Variants in MYEF2 observed in about 807,000 individuals in gnomAD.
MYEF2 encodes the protein myelin gene expression factor 2.
MYEF2 carries 37 observed loss-of-function variants against 75.2 expected under a neutral mutation model. That is an observed-to-expected ratio of 0.49 (90% CI 0.38 to 0.65). The LOEUF (loss-of-function observed/expected upper bound fraction) is 0.65. Ranked by LOEUF, MYEF2 falls within the 30% of genes least tolerant of loss-of-function variation. MYEF2 has a pLI of 0.00. For missense variants in MYEF2, 634 were observed against 771.4 expected (o/e 0.82, Z 2.11); for synonymous variants, 195 against 241.6 (o/e 0.81, Z 1.79).
At position 48,136,686 on chromosome 15, in the gene MYEF2, T is replaced by G. The variant is rs199825911; in HGVS notation, c.*6222A>C. On this transcript the variant is annotated 3_prime_UTR_variant, in exon 17 of 17. Transcript: ENST00000324324. ...AACACAAATTTCTCTTTTGTAGGTA[T>G]GAAGGGGCTTTACTGCTTTTGATAT... 2 of 1,600,134 alleles carry G rather than the reference T, an allele frequency of 1.2e-6. No homozygotes were observed. Among genetic ancestry groups the G allele is most frequent in the Non-Finnish European group, 1.7e-6 (2 of 1,172,686 alleles).
intron 5 of MYEF2, 46 bp from the exon 6 acceptor site, chr15:48,159,850 T>C (rs2039869964): frequency 6.6e-7 from 1 of 1,525,688 alleles, no homozygotes; most frequent in South Asian, 1.2e-5. Context: ...ACATCACTAA[T>C]TCTACAAAAT....
intron 1 of MYEF2, among the ~76,000 whole-genome samples, chr15:48,173,097 AC>A (rs879710888): frequency 2.0e-5 from 3 of 152,236 alleles, no homozygotes; most frequent in Non-Finnish European, 4.4e-5. Context: ...AAAATTCTCA[AC>A]AAAATACTAG....
chr15:48,161,096 T>C (rs1030941705), intron 5 of MYEF2, among the ~76,000 whole-genome samples: 1 of 152,106 alleles, frequency 6.6e-6, no homozygotes, highest in Non-Finnish European at 1.5e-5. Flanking sequence ...TATTGCTGTG[T>C]TGATCTGTCT....
intron 1 of MYEF2, among the ~76,000 whole-genome samples, chr15:48,173,367 T>C (rs901204440): frequency 6.6e-6 from 1 of 152,130 alleles, no homozygotes; most frequent in African/African-American, 2.4e-5. Flanking sequence ...AGGTCATATA[T>C]GACAACCCCA....
rs557087132 is a variant in MYEF2 at position 48,178,164 on chromosome 15, G to A, written c.74C>T (p.Pro25Leu). The A allele has an allele frequency of 3.2e-6, 5 of 1,552,126 alleles. No individual in the cohort carries two copies. The Admixed American group carries it at 9.5e-5, about 30-fold the overall frequency. The change falls in exon 1 of 17, where the codon CCG becomes CTG. Residue 25 changes from proline to leucine, a missense_variant. Coordinates refer to ENST00000324324, the MANE Select transcript of MYEF2 (RefSeq NM_016132.5). ...CGGCTCTCGCCGCGGCTCGCCCGGC[G>A]GCTCTGCGGGCTGCAGGTGCGGGCT... The part of the protein sequence containing the change: ...GDSPHLQPAE[P>L]PGEPRREPHP...
rs8023906 is a variant in MYEF2, at chr15:48,168,730, C to T, written c.271G>A (p.Ala91Thr). 1,612,152 of 1,613,894 alleles carry T rather than the reference C, an allele frequency of 1. 805,225 individuals are homozygous for T. The highest frequency in any genetic ancestry group is 1 in the East Asian group (44,840 of 44,840). ...CGATTTGGACCCTTCTTTTCTCCAGCGCCCGAATTCTTGTCTTTTGAATAA... is the reference window on the plus strand; with the variant it reads ...CGATTTGGACCCTTCTTTTCTCCAGTGCCCGAATTCTTGTCTTTTGAATAA... ...HPYSKDKNSGAGEKKGPNRNR... is the reference protein window; with the variant it reads ...HPYSKDKNSGTGEKKGPNRNR... The change falls in exon 2 of 17, where the codon GCT (alanine) becomes ACT (threonine). Residue 91 changes from alanine (A) to threonine (T), a missense_variant. Transcript: ENST00000324324.
chr15:48,151,666 G>T, intron 12 of MYEF2, 95 bp from the exon 13 acceptor site: 2 of 1,274,676 alleles, frequency 1.6e-6, no homozygotes, highest in Non-Finnish European at 2.2e-6. Flanking sequence ...AGACGCGTAA[G>T]TCACAAATAT....
rs891831524 is a variant in MYEF2 at position 48,149,582 on chromosome 15, A to C, written c.1379-211T>G. 1.4e-5 allele frequency: 5 copies of C among 359,876 alleles called. No individual in the cohort carries two copies. The highest frequency in any genetic ancestry group is 1.9e-5 in the Non-Finnish European group (4 of 205,380). 22.3% of individuals were successfully genotyped at this position (359,876 alleles called of 1,614,324 possible). A position where few individuals can be genotyped will look rare whatever the true frequency, so the allele number is the denominator to read the frequency against. On this transcript the variant is annotated intron_variant, in intron 14 of 16. Coordinates refer to ENST00000324324, the MANE Select transcript of MYEF2 (RefSeq NM_016132.5). The surrounding 1 kb of genome is among the most constrained non-coding windows in gnomAD (Gnocchi z 4.0). ...ACTTTCCAAAGAACAGAATTTGCTTACATATACATTTAGTTAGCTGAGAAA... is the reference window on the plus strand; with the variant it reads ...ACTTTCCAAAGAACAGAATTTGCTTCCATATACATTTAGTTAGCTGAGAAA...
intron 5 of MYEF2, among the ~76,000 whole-genome samples, chr15:48,161,799 G>C (rs1276312869): frequency 6.8e-6 from 1 of 147,804 alleles, no homozygotes; most frequent in African/African-American, 2.5e-5. Flanking sequence ...ACATAAAACA[G>C]AAAATTGTCA....
In MYEF2 at chr15:48,138,299, A is replaced by G. The variant is rs1410475898; in HGVS notation, c.*4609T>C. On this transcript the variant is annotated 3_prime_UTR_variant, in exon 17 of 17. Transcript: ENST00000324324. ...TTTTGAATTCGAATTTTTATCCAAT[A>G]TATTATCATTATCCTTCTACTAAAT... 2 of 151,984 alleles carry G rather than the reference A, an allele frequency of 1.3e-5. No homozygotes were observed. Among genetic ancestry groups the G allele is most frequent in the African/African-American group, 4.8e-5 (2 of 41,422 alleles). The allele number at this position is 151,984 out of a possible 1,614,324, so 9.4% of individuals were successfully genotyped here.
chr15:48,147,698 A>T (rs181669896), intron 16 of MYEF2, among the ~76,000 whole-genome samples: 301 of 152,042 alleles, frequency 2.0e-3, no homozygotes, highest in Middle Eastern at 6.8e-3. Context: ...CTTTTTCTTG[A>T]ATTTTTGATT....
chr15:48,174,318 A>G (rs999719914), intron 1 of MYEF2, among the ~76,000 whole-genome samples: 2 of 152,122 alleles, frequency 1.3e-5, no homozygotes, highest in African/African-American at 4.8e-5. Flanking sequence ...TTAAAAACTT[A>G]TAACACCTAA....
intron 10 of MYEF2, 22 bp from the exon 11 acceptor site, chr15:48,152,306 G>A (rs777170178): frequency 3.3e-5 from 51 of 1,566,244 alleles, no homozygotes; most frequent in Non-Finnish European, 4.1e-5. Flanking sequence ...TACACAGTAT[G>A]TACTTTAAGT....
chr15:48,147,066 CG>C (rs2039312549), intron 16 of MYEF2, among the ~76,000 whole-genome samples: 1 of 151,072 alleles, frequency 6.6e-6, no homozygotes, highest in Non-Finnish European at 1.5e-5. Context: ...TAATTATAAT[CG>C]AAAAAGGATT....
In MYEF2 at chr15:48,142,902, T is replaced by C; in HGVS notation, c.*6A>G. 6.3e-7 allele frequency: 1 copy of C among 1,587,804 alleles called. No homozygotes were observed. The highest frequency in any genetic ancestry group is 8.6e-7 in the Non-Finnish European group (1 of 1,169,280). ...GATGTAGGAATGTTCCAACCATGGC[T>C]TGAAATTATGCATTACGATCCAAGC... is the stretch of plus-strand genomic sequence containing the variant. On this transcript the variant is annotated 3_prime_UTR_variant, in exon 17 of 17. Transcript: ENST00000324324.
chr15:48,159,176 T>C (rs1225127612), intron 6 of MYEF2, among the ~76,000 whole-genome samples: 5 of 152,134 alleles, frequency 3.3e-5, no homozygotes, highest in African/African-American at 4.8e-5. Flanking sequence ...TTTGTACATT[T>C]GAAACTTGCA....
At chr15:48,161,545 T>G (rs371421260) in intron 5 of MYEF2, among the ~76,000 whole-genome samples, 1 of 151,708 alleles carries the variant, frequency 6.6e-6, no homozygotes, top group South Asian at 2.1e-4. Flanking sequence ...TTTTTTTCTC[T>G]TAAAAAAGTT....
chr15:48,144,211 C>G (rs8037371), intron 16 of MYEF2, among the ~76,000 whole-genome samples: 1 of 151,970 alleles, frequency 6.6e-6, no homozygotes, highest in Non-Finnish European at 1.5e-5. Context: ...GAGGACCTGT[C>G]GAAAAACTGC....
chr15:48,155,748 T>C (rs1004174301), intron 9 of MYEF2, among the ~76,000 whole-genome samples: 1 of 149,164 alleles, frequency 6.7e-6, no homozygotes, highest in Non-Finnish European at 1.5e-5. Flanking sequence ...AAATAATACA[T>C]GGCTCAATAA....
Sources: gnomAD v4.1 joint callset for allele counts (sites outside exome capture counted in the v4.1 genomes callset) on GRCh38, gnomAD v4.1.1 for gene constraint, Gnocchi (gnomAD v3.1) non-coding constraint, MANE v1.5 for transcripts, NCBI Gene and HGNC (gene_info 2026-07-23, HGNC 2026-07-21) for gene names.